Variants in TMED3 observed in about 807,000 individuals in gnomAD.
TMED3 encodes transmembrane p24 trafficking protein 3.
Under a neutral mutation model 15.0 loss-of-function variants are expected in TMED3, and 9 were observed. The observed-to-expected ratio is 0.60, with a 90% CI of 0.36 to 1.04. The LOEUF (loss-of-function observed/expected upper bound fraction) is 1.04. Among genes scored for constraint, TMED3 ranks in the 50% least tolerant of loss-of-function variants. The pLI is 0.01. For synonymous variants in TMED3, 117 were observed against 121.4 expected (o/e 0.96, Z 0.24); for missense variants, 267 against 278.9 (o/e 0.96, Z 0.30).
chr15:79,399,083 G>A (rs550610369), intron 2 of TMED3, among the ~76,000 whole-genome samples: 1 of 152,176 alleles, frequency 6.6e-6, no homozygotes, highest in Admixed American at 6.5e-5. Context: ...ACTAATTTTT[G>A]TAGTTTTAGT....
intron 2 of TMED3, among the ~76,000 whole-genome samples, chr15:79,317,733 A>G (rs892528643): frequency 2.6e-5 from 4 of 152,154 alleles, no homozygotes; most frequent in Admixed American, 6.5e-5. Flanking sequence ...CTTTGTTATG[A>G]AGTCCTGTGA....
chr15:79,411,889 G>A (rs1893986153), exon 3 of TMED3: 1 of 190,140 alleles, frequency 5.3e-6, no homozygotes, highest in African/African-American at 2.3e-5. Flanking sequence ...TAACCCTAGG[G>A]GGACTGTTGA....
chr15:79,413,791 C>T lies in TMED3; in HGVS notation c.*2287C>T, dbSNP rs929256074. On this transcript the variant is annotated 3_prime_UTR_variant, in exon 3 of 3. Coordinates refer to the TMED3 transcript ENST00000424155. The stretch of plus-strand genomic sequence containing the variant: ...AGGGGTAAGGATGCCTTCATACCAA[C>T]CTCGTCATGACTGTGCTAAGTGGCA... The T allele has an allele frequency of 3.9e-5, 6 of 152,192 alleles. No homozygotes were observed. The East Asian group carries it at 5.8e-4, about 15-fold the overall frequency. 9.4% of individuals were successfully genotyped at this position (152,192 alleles called of 1,614,324 possible).
At chr15:79,404,819 C>T (rs548235546) in intron 2 of TMED3, among the ~76,000 whole-genome samples, 7 of 152,366 alleles carry the variant, frequency 4.6e-5, no homozygotes, top group Non-Finnish European at 8.8e-5. Flanking sequence ...CATGACCACC[C>T]CTGAGTGGGG....
At chr15:79,369,887 C>A (rs904408232) in intron 2 of TMED3, among the ~76,000 whole-genome samples, 18 of 152,218 alleles carry the variant, frequency 1.2e-4, no homozygotes, top group Non-Finnish European at 2.6e-4. Flanking sequence ...TCTGAAGTCA[C>A]CTCCAGCAAG....
intron 2 of TMED3, among the ~76,000 whole-genome samples, chr15:79,349,802 A>G (rs754790263): frequency 2.0e-5 from 3 of 152,198 alleles, no homozygotes; most frequent in Non-Finnish European, 4.4e-5. Flanking sequence ...TCTTCCGCCT[A>G]GAAGGCTCTA....
At chr15:79,410,671 A>AAT in intron 2 of TMED3, among the ~76,000 whole-genome samples, 1 of 149,746 alleles carries the variant, frequency 6.7e-6, no homozygotes, top group East Asian at 2.0e-4. Context: ...ATACATGTGA[A>AAT]ATATATATAT....
chr15:79,386,594 C>T (rs1308019368), intron 2 of TMED3, among the ~76,000 whole-genome samples: 3 of 152,038 alleles, frequency 2.0e-5, no homozygotes, highest in Admixed American at 6.5e-5. Flanking sequence ...GGCTGGAGTG[C>T]AGTGGTGCGA....
At chr15:79,339,335 G>T (rs777605168) in intron 2 of TMED3, among the ~76,000 whole-genome samples, 1 of 152,102 alleles carries the variant, frequency 6.6e-6, no homozygotes, top group Non-Finnish European at 1.5e-5. Flanking sequence ...GCCTCTACCG[G>T]TCTCTGCAAC....
intron 2 of TMED3, chr15:79,314,655 G>A (rs2058732989): frequency 2.4e-6 from 1 of 417,916 alleles, no homozygotes; most frequent in Non-Finnish European, 5.0e-6. Flanking sequence ...ATGTCCCATG[G>A]GTGAGAACTT....
At chr15:79,342,820 T>C (rs1352412358) in intron 2 of TMED3, among the ~76,000 whole-genome samples, 1 of 152,194 alleles carries the variant, frequency 6.6e-6, no homozygotes, top group Non-Finnish European at 1.5e-5. Flanking sequence ...AACACAAAGT[T>C]CCTGCCTTTG....
At chr15:79,353,214 A>G (rs1299739727) in intron 2 of TMED3, among the ~76,000 whole-genome samples, 26 of 80,932 alleles carry the variant, frequency 3.2e-4, no homozygotes, top group Non-Finnish European at 4.8e-4. Flanking sequence ...TATATATTAT[A>G]TATATTATAC....
intron 2 of TMED3, among the ~76,000 whole-genome samples, chr15:79,351,908 G>T (rs1235694399): frequency 6.6e-6 from 1 of 152,066 alleles, no homozygotes; most frequent in Non-Finnish European, 1.5e-5. Flanking sequence ...CAAAATAATG[G>T]CATTTGCAGT....
At chr15:79,329,527 C>A (rs764977877) in intron 2 of TMED3, among the ~76,000 whole-genome samples, 25 of 152,252 alleles carry the variant, frequency 1.6e-4, no homozygotes, top group Non-Finnish European at 3.2e-4. Flanking sequence ...TATAACTGCC[C>A]TGCTGACATT....
intron 2 of TMED3, among the ~76,000 whole-genome samples, chr15:79,386,121 A>G (rs912121710): frequency 6.6e-6 from 1 of 152,210 alleles, no homozygotes; most frequent in Admixed American, 6.5e-5. Context: ...GTATTTTCCA[A>G]GGGCTGGGGG....
At chr15:79,401,570 C>A (rs1266237538) in intron 2 of TMED3, among the ~76,000 whole-genome samples, 1 of 152,064 alleles carries the variant, frequency 6.6e-6, no homozygotes, top group Non-Finnish European at 1.5e-5. Context: ...CAATGAACAG[C>A]ACAGCTCCCC....
At chr15:79,374,315 TAGTA>T (rs2141246395) in intron 2 of TMED3, among the ~76,000 whole-genome samples, 1 of 152,334 alleles carries the variant, frequency 6.6e-6, no homozygotes, top group African/African-American at 2.4e-5. Flanking sequence ...ATTTTAATGC[TAGTA>T]AGTTGTGCCT....
chr15:79,389,560 T>A (rs1057410259), intron 2 of TMED3, among the ~76,000 whole-genome samples: 1 of 152,124 alleles, frequency 6.6e-6, no homozygotes, highest in Non-Finnish European at 1.5e-5. Flanking sequence ...CTAAGTCTTG[T>A]GTTGGCTATG....
chr15:79,400,438 C>A (rs1490837779), intron 2 of TMED3, among the ~76,000 whole-genome samples: 1 of 152,210 alleles, frequency 6.6e-6, no homozygotes, highest in African/African-American at 2.4e-5. Context: ...GTCTTGTTCA[C>A]CTTCACTTCC....
Sources: gnomAD v4.1 joint callset for allele counts (sites outside exome capture counted in the v4.1 genomes callset) on GRCh38, gnomAD v4.1.1 for gene constraint, MANE v1.5 for transcripts, NCBI Gene and HGNC (gene_info 2026-07-23, HGNC 2026-07-21) for gene names.